STPG2: variants seen among roughly 807,000 people sequenced by gnomAD.
STPG2 encodes the protein sperm tail PG-rich repeat containing 2.
Under a neutral mutation model 54.2 loss-of-function variants are expected in STPG2, and 56 were observed. The ratio of observed to expected loss-of-function variants is 1.03; its 90% CI spans 0.83 to 1.29. The LOEUF (loss-of-function observed/expected upper bound fraction) is 1.29. Ranked by LOEUF, STPG2 falls within the 50% of genes most tolerant of loss-of-function variation. The pLI is 0.00. For synonymous variants in STPG2, 200 were observed against 181.8 expected (o/e 1.10, Z -0.81); for missense variants, 596 against 544.9 (o/e 1.09, Z -0.93).
chr4:97,852,526 G>A (rs1195009372), intron 8 of STPG2, among the ~76,000 whole-genome samples: 1 of 152,170 alleles, frequency 6.6e-6, no homozygotes, highest in Non-Finnish European at 1.5e-5. Context: ...GAGATTGTCA[G>A]TGAGACGAAT....
At chr4:97,542,124 A>T (rs945283257) in intron 4 of STPG2, among the ~76,000 whole-genome samples, 1 of 152,210 alleles carries the variant, frequency 6.6e-6, no homozygotes, top group Non-Finnish European at 1.5e-5. Context: ...GACAAATGGG[A>T]TCTAATTAAA....
chr4:98,066,033 A>T (rs2110103135), intron 5 of STPG2, among the ~76,000 whole-genome samples: 1 of 152,168 alleles, frequency 6.6e-6, no homozygotes, highest in African/African-American at 2.4e-5. Flanking sequence ...TCAAGTAGGT[A>T]TATCAAATAT....
intron 9 of STPG2, among the ~76,000 whole-genome samples, chr4:97,790,601 G>C (rs569310434): frequency 7.6e-4 from 116 of 152,222 alleles, no homozygotes; most frequent in African/African-American, 2.7e-3. Context: ...GCTTCTAGAG[G>C]CTGCCCTCAT....
At chr4:97,545,728 A>C (rs948269694) in intron 4 of STPG2, among the ~76,000 whole-genome samples, 1 of 152,126 alleles carries the variant, frequency 6.6e-6, no homozygotes, top group African/African-American at 2.4e-5. Context: ...AATTGGTTGA[A>C]TTCCAAAAAA....
intron 5 of STPG2, among the ~76,000 whole-genome samples, chr4:98,070,914 T>A (rs1057297393): frequency 2.0e-5 from 3 of 151,868 alleles, no homozygotes; most frequent in Non-Finnish European, 4.4e-5. Context: ...AGAATCAATA[T>A]CATGAAAACA....
chr4:97,485,846 C>T (rs1450008226), intron 4 of STPG2, among the ~76,000 whole-genome samples: 1 of 151,734 alleles, frequency 6.6e-6, no homozygotes, highest in African/African-American at 2.4e-5. Context: ...AAAATGGGCA[C>T]ATAGACCAAT....
intron 8 of STPG2, among the ~76,000 whole-genome samples, chr4:97,935,392 C>T (rs1330042932): frequency 6.6e-6 from 1 of 152,160 alleles, no homozygotes; most frequent in African/African-American, 2.4e-5. Flanking sequence ...CAGTTCCAAT[C>T]TGATCTTAGT....
chr4:97,658,200 C>G (rs6828264), intron 10 of STPG2, among the ~76,000 whole-genome samples: 2,091 of 152,186 alleles, frequency 0.014, 43 homozygotes, highest in African/African-American at 0.048. Flanking sequence ...TGCTTTGTTT[C>G]TTGTGTCAGG....
At chr4:98,100,282 G>A (rs1738987745) in intron 5 of STPG2, among the ~76,000 whole-genome samples, 1 of 152,120 alleles carries the variant, frequency 6.6e-6, no homozygotes, top group Non-Finnish European at 1.5e-5. Flanking sequence ...TTTAAAAAGA[G>A]AATGTAAGAT....
downstream of STPG2, among the ~76,000 whole-genome samples, chr4:97,556,063 C>T (rs1476086890): frequency 6.6e-6 from 1 of 152,032 alleles, no homozygotes; most frequent in African/African-American, 2.4e-5. Flanking sequence ...TTTAAAACCC[C>T]TGAAATGAAT....
chr4:97,575,172 T>G (rs1009854839), intron 10 of STPG2, among the ~76,000 whole-genome samples: 1 of 151,836 alleles, frequency 6.6e-6, no homozygotes, highest in Non-Finnish European at 1.5e-5. Flanking sequence ...ATAAAAGCCC[T>G]GGACCAGATA....
chr4:98,015,756 A>T (rs1434075680), intron 5 of STPG2, among the ~76,000 whole-genome samples: 1 of 152,186 alleles, frequency 6.6e-6, no homozygotes, highest in East Asian at 1.9e-4. Flanking sequence ...ACACATGCAC[A>T]CATATGTTTA....
At chr4:97,628,089 G>C (rs115193665) in intron 10 of STPG2, among the ~76,000 whole-genome samples, 2 of 152,118 alleles carry the variant, frequency 1.3e-5, no homozygotes, top group African/African-American at 2.4e-5. Context: ...CAGAAATAAT[G>C]TTTAATCTGG....
At chr4:97,732,707 C>A (rs1250027608) in intron 9 of STPG2, among the ~76,000 whole-genome samples, 2 of 151,724 alleles carry the variant, frequency 1.3e-5, no homozygotes, top group African/African-American at 2.4e-5. Flanking sequence ...GCACTGATAT[C>A]CAGAATCTAA....
chr4:97,682,491 A>G (rs891482346), intron 10 of STPG2, among the ~76,000 whole-genome samples: 1 of 151,870 alleles, frequency 6.6e-6, no homozygotes, highest in Non-Finnish European at 1.5e-5. Context: ...TTGCATAAGC[A>G]CACAGAACTA....
At chr4:97,748,900 C>G (rs1725498467) in intron 9 of STPG2, among the ~76,000 whole-genome samples, 1 of 151,556 alleles carries the variant, frequency 6.6e-6, no homozygotes, top group African/African-American at 2.4e-5. Context: ...TTGCCAACTC[C>G]TGGAGATAGA....
chr4:97,946,206 T>C (rs1733213265), intron 7 of STPG2, among the ~76,000 whole-genome samples: 1 of 152,184 alleles, frequency 6.6e-6, no homozygotes, highest in Non-Finnish European at 1.5e-5. Flanking sequence ...TTTTAATAAA[T>C]ATCTATTCAT....
At chr4:97,899,420 G>T (rs558118690) in intron 8 of STPG2, among the ~76,000 whole-genome samples, 78 of 152,024 alleles carry the variant, frequency 5.1e-4, no homozygotes, top group Non-Finnish European at 8.5e-4. Flanking sequence ...CAGATTTAAT[G>T]CTTTTCCTAT....
At chr4:97,894,036 ATATAGAG>A (rs1730864812) in intron 8 of STPG2, among the ~76,000 whole-genome samples, 1 of 152,040 alleles carries the variant, frequency 6.6e-6, no homozygotes, top group East Asian at 1.9e-4. Context: ...CTATTCAATT[ATATAGAG>A]TATAAAGGTC....
Sources: allele counts gnomAD v4.1 joint callset (sites outside exome capture counted in the v4.1 genomes callset), GRCh38; gene constraint gnomAD v4.1.1; transcripts MANE v1.5; gene names NCBI Gene and HGNC (gene_info 2026-07-23, HGNC 2026-07-21).